Variants in ATP2C2 observed in about 807,000 individuals in gnomAD.
ATP2C2 encodes the protein calcium-transporting ATPase type 2C member 2.
ATP2C2 carries 171 observed loss-of-function variants against 110.8 expected under a neutral mutation model. The ratio of observed to expected loss-of-function variants is 1.54; its 90% CI spans 1.36 to 1.75. ATP2C2 has a LOEUF of 1.75. Ranked by LOEUF, ATP2C2 falls within the 40% of genes most tolerant of loss-of-function variation. ATP2C2 has a pLI of 0.00. For missense variants in ATP2C2, 1,963 were observed against 1,235.0 expected, an observed-to-expected ratio of 1.59 and a Z score of -8.84; for synonymous variants, 804 against 508.4, an observed-to-expected ratio of 1.58 and a Z score of -7.82.
intron 17 of ATP2C2, among the ~76,000 whole-genome samples, chr16:84,449,477 C>G (rs1910059634): frequency 6.6e-6 from 1 of 152,174 alleles, no homozygotes; most frequent in Admixed American, 6.5e-5. Flanking sequence ...AAATACTGTG[C>G]CTCAGTTTCC....
chr16:84,463,557 G>C, intron 26 of ATP2C2, 57 bp from the exon 27 acceptor site: 2 of 1,479,212 alleles, frequency 1.4e-6, no homozygotes, highest in African/African-American at 1.4e-5. Context: ...GGCGCTTCCT[G>C]CCGGCGCAAC....
rs900313010 is a variant in ATP2C2 at position 84,425,659 on chromosome 16, AAGTG to A, written c.920-72_920-69del. The A allele has an allele frequency of 7.1e-5, 107 of 1,499,110 alleles. 1 individual carries two copies. Among genetic ancestry groups the A allele is most frequent in the Admixed American group, 3.2e-4 (19 of 59,828 alleles). The allele number at this position is 1,499,110 out of a possible 1,614,324, so 92.9% of individuals were successfully genotyped here. A position where few individuals can be genotyped will look rare whatever the true frequency, so the allele number is the denominator to read the frequency against. On this transcript the variant is annotated intron_variant, in intron 10 of 26. Transcript: ENST00000262429. ...ATGCATTCCTGTAAACTCTTTAAGGAAGTGAGTTTGAATCCCTCCAGGCATCAGC... is the reference window on the plus strand; with the variant it reads ...ATGCATTCCTGTAAACTCTTTAAGGAAGTTTGAATCCCTCCAGGCATCAGC...
At position 84,459,719 on chromosome 16, in the gene ATP2C2, A is replaced by T. The variant is rs573043013; in HGVS notation, c.2333+333A>T. ...GGAAGTCTTCCCTGATTGCACTCCC[A>T]CTCAATCCCCTCACCCTGCTGTATT... On this transcript the variant is annotated intron_variant, in intron 23 of 26. Transcript: ENST00000262429. 3.5e-4 allele frequency: 270 copies of T among 782,364 alleles called. 2 individuals carry two copies. The South Asian group carries it at 3.9e-3, about 11-fold the overall frequency. The allele number at this position is 782,364 out of a possible 1,614,324, so 48.5% of individuals were successfully genotyped here. A position where few individuals can be genotyped will look rare whatever the true frequency, so the allele number is the denominator to read the frequency against.
chr16:84,461,038 A>G (rs1204694840), intron 24 of ATP2C2: 1 of 528,898 alleles, frequency 1.9e-6, no homozygotes, highest in African/African-American at 1.9e-5. Context: ...AGCGGGGTGG[A>G]GATGACTTTG....
chr16:84,455,125 T>A, intron 21 of ATP2C2, 141 bp downstream of exon 21: 1 of 1,129,868 alleles, frequency 8.9e-7, no homozygotes, highest in Non-Finnish European at 1.2e-6. Flanking sequence ...CTCGTCAGTG[T>A]GGCAGGTGCC....
chr16:84,408,525 G>T (rs773987877), intron 4 of ATP2C2, 31 bp downstream of exon 4: 2 of 1,582,096 alleles, frequency 1.3e-6, no homozygotes, highest in South Asian at 1.1e-5. Context: ...CGGCTCCCGG[G>T]CGGGCAGCCA....
At chr16:84,375,280 G>A (rs370236631) in intron 1 of ATP2C2, among the ~76,000 whole-genome samples, 183 of 152,260 alleles carry the variant, frequency 1.2e-3, no homozygotes, top group African/African-American at 3.9e-3. Flanking sequence ...AGTGGGTCAC[G>A]CCTGTAATCC....
chr16:84,397,507 C>A (rs1055718842), intron 1 of ATP2C2, among the ~76,000 whole-genome samples: 2 of 150,876 alleles, frequency 1.3e-5, no homozygotes, highest in East Asian at 1.9e-4. Flanking sequence ...AGACCCTGTC[C>A]CTACAAAATA....
At chr16:84,411,259 C>A (rs532533451) in intron 6 of ATP2C2, among the ~76,000 whole-genome samples, 22 of 151,976 alleles carry the variant, frequency 1.4e-4, no homozygotes, top group East Asian at 1.4e-3. Context: ...TCTTTCCTGC[C>A]CACAGTTTTC....
intron 1 of ATP2C2, among the ~76,000 whole-genome samples, chr16:84,383,163 C>A (rs534329023): frequency 6.6e-5 from 10 of 152,216 alleles, no homozygotes; most frequent in Non-Finnish European, 1.5e-4. Context: ...GCTACTGAGG[C>A]CGCAAGCAGG....
chr16:84,420,627 C>T (rs909539288), intron 7 of ATP2C2, among the ~76,000 whole-genome samples: 5 of 152,062 alleles, frequency 3.3e-5, no homozygotes, highest in Non-Finnish European at 7.4e-5. Flanking sequence ...CTAAGGAACC[C>T]ATATTGATGC....
At position 84,463,782 on chromosome 16, in the gene ATP2C2, C is replaced by G. The variant is rs376838797; in HGVS notation, c.*50C>G. The G allele has an allele frequency of 7.4e-6, 11 of 1,491,268 alleles. No individual in the cohort carries two copies. The highest frequency in any genetic ancestry group is 1.0e-5 in the Non-Finnish European group (11 of 1,069,278). The allele number at this position is 1,491,268 out of a possible 1,614,324, so 92.4% of individuals were successfully genotyped here. ...CCTAATCATCTCGATCTGGTTGTGA[C>G]TGTGGCCCCTGCCGTGTCTCCTCGT... is the stretch of plus-strand genomic sequence containing the variant. On this transcript the variant is annotated 3_prime_UTR_variant, in exon 27 of 27. Transcript: ENST00000262429.
At chr16:84,388,599 T>A (rs941639841) in intron 1 of ATP2C2, among the ~76,000 whole-genome samples, 1 of 152,164 alleles carries the variant, frequency 6.6e-6, no homozygotes, top group Non-Finnish European at 1.5e-5. Flanking sequence ...GAAGGAAGCA[T>A]CTGCCTGAGT....
intron 6 of ATP2C2, among the ~76,000 whole-genome samples, chr16:84,414,138 C>T (rs1171957098): frequency 1.3e-5 from 2 of 152,130 alleles, no homozygotes; most frequent in African/African-American, 4.8e-5. Context: ...TAAGCTGAGG[C>T]CTGAGGAAGA....
At chr16:84,424,034 C>A (rs528814135) in intron 10 of ATP2C2, among the ~76,000 whole-genome samples, 11 of 152,302 alleles carry the variant, frequency 7.2e-5, no homozygotes, top group Admixed American at 3.9e-4. Context: ...TAGGATCAAC[C>A]CATGCCTGGC....
chr16:84,408,516 G>C, intron 4 of ATP2C2, 22 bp downstream of exon 4: 12 of 1,602,442 alleles, frequency 7.5e-6, no homozygotes, highest in Non-Finnish European at 1.0e-5. Flanking sequence ...GACAGCGCTC[G>C]GCTCCCGGGC....
At chr16:84,419,348 C>T (rs1010153299) in intron 7 of ATP2C2, among the ~76,000 whole-genome samples, 2 of 152,054 alleles carry the variant, frequency 1.3e-5, no homozygotes, top group Non-Finnish European at 2.9e-5. Flanking sequence ...TCCATGTTCC[C>T]GCACCACTGC....
intron 15 of ATP2C2, 124 bp downstream of exon 15, chr16:84,442,723 G>A: frequency 1.1e-6 from 1 of 915,366 alleles, no homozygotes. Flanking sequence ...GAAGAAAATG[G>A]CCCACACTGG....
At chr16:84,400,439 G>C (rs1905249133) in intron 2 of ATP2C2, among the ~76,000 whole-genome samples, 1 of 150,164 alleles carries the variant, frequency 6.7e-6, no homozygotes, top group Non-Finnish European at 1.5e-5. Context: ...CCATTCTTCT[G>C]TCTCAGCCTC....
Sources: allele counts gnomAD v4.1 joint callset (sites outside exome capture counted in the v4.1 genomes callset), GRCh38; gene constraint gnomAD v4.1.1; transcripts MANE v1.5; gene names NCBI Gene and HGNC (gene_info 2026-07-23, HGNC 2026-07-21).